Variants in DPY19L3 observed in about 807,000 individuals in gnomAD.
The protein encoded by DPY19L3 is protein C-mannosyl-transferase DPY19L3.
DPY19L3 carries 51 observed loss-of-function variants against 92.3 expected under a neutral mutation model. The ratio of observed to expected loss-of-function variants is 0.55; its 90% CI spans 0.44 to 0.70. The LOEUF (loss-of-function observed/expected upper bound fraction) is 0.70. Ranked by LOEUF, DPY19L3 falls within the 30% of genes least tolerant of loss-of-function variation. The pLI, the probability that DPY19L3 is intolerant of heterozygous loss-of-function variation, is 0.00. For synonymous variants in DPY19L3, 309 were observed against 315.2 expected (o/e 0.98, Z 0.21); for missense variants, 706 against 855.9 (o/e 0.82, Z 2.18).
chr19:32,450,460 G>A (rs1001275396), intron 8 of DPY19L3, among the ~76,000 whole-genome samples: 1 of 152,132 alleles, frequency 6.6e-6, no homozygotes, highest in Admixed American at 6.6e-5. Flanking sequence ...GTGATTCATA[G>A]CTACAAAGTG....
intron 8 of DPY19L3, among the ~76,000 whole-genome samples, chr19:32,443,280 C>G (rs1190660459): frequency 6.6e-6 from 1 of 152,244 alleles, no homozygotes; most frequent in Admixed American, 6.5e-5. Context: ...GCACCTTGGA[C>G]TTCCATTTCC....
chr19:32,444,047 AAG>A (rs1252276158), intron 8 of DPY19L3, among the ~76,000 whole-genome samples: 1 of 151,448 alleles, frequency 6.6e-6, no homozygotes, highest in Non-Finnish European at 1.5e-5. Flanking sequence ...AAAAAAAAAA[AAG>A]AAAAAAAAAT....
At chr19:32,479,559 C>A in intron 17 of DPY19L3, 1 of 406,436 alleles carries the variant, frequency 2.5e-6, no homozygotes, top group South Asian at 1.8e-5. Flanking sequence ...TACCATTTCA[C>A]CCATCCATGT....
chr19:32,482,110 AT>A lies in DPY19L3; in HGVS notation c.2024del (p.Leu675Ter). On this transcript the variant is annotated frameshift_variant, in exon 19 of 19. Transcript: ENST00000392250. LOFTEE classifies it high-confidence loss of function. ...MMDGPGENDP[D>X]LKPADHPRFC... ...GATGGCCCAGGAGAGAATGATCCTG[AT>A]TTGAAACCTGCAGACCACCCTCGCT... is the stretch of plus-strand genomic sequence containing the variant. The A allele has an allele frequency of 6.2e-7, 1 of 1,613,852 alleles. No individual in the cohort carries two copies. The highest frequency in any genetic ancestry group is 8.5e-7 in the Non-Finnish European group (1 of 1,179,834).
At chr19:32,407,426 A>G (rs1023612551) in intron 1 of DPY19L3, among the ~76,000 whole-genome samples, 1 of 152,202 alleles carries the variant, frequency 6.6e-6, no homozygotes, top group Non-Finnish European at 1.5e-5. Flanking sequence ...ACAAAACAAT[A>G]TTTTAATTCT....
At chr19:32,476,619 A>G (rs1030252970) in intron 16 of DPY19L3, among the ~76,000 whole-genome samples, 23 of 150,940 alleles carry the variant, frequency 1.5e-4, no homozygotes, top group African/African-American at 5.1e-4. Flanking sequence ...TGCTTTTCCT[A>G]TATTCTGGGA....
At chr19:32,433,648 C>G (rs139744812) in intron 4 of DPY19L3, among the ~76,000 whole-genome samples, 1 of 152,138 alleles carries the variant, frequency 6.6e-6, no homozygotes, top group African/African-American at 2.4e-5. Context: ...GTCTCAAACT[C>G]CTGAGCTCAA....
chr19:32,425,074 TAACTC>T (rs1364142130), intron 3 of DPY19L3, among the ~76,000 whole-genome samples: 6 of 152,118 alleles, frequency 3.9e-5, no homozygotes, highest in African/African-American at 1.2e-4. Flanking sequence ...ACACAAAAAT[TAACTC>T]AAGATGGATC....
At chr19:32,476,190 G>T (rs1970503021) in intron 16 of DPY19L3, among the ~76,000 whole-genome samples, 2 of 152,122 alleles carry the variant, frequency 1.3e-5, no homozygotes. Context: ...ATCCTGGTGG[G>T]ATGTATGAAT....
At chr19:32,479,240 T>G (rs529880494) in intron 17 of DPY19L3, among the ~76,000 whole-genome samples, 1 of 152,228 alleles carries the variant, frequency 6.6e-6, no homozygotes, top group South Asian at 2.1e-4. Context: ...GGCTGAAGTG[T>G]TCCAGATAGT....
At chr19:32,460,948 C>T (rs558378226) in intron 12 of DPY19L3, among the ~76,000 whole-genome samples, 1 of 152,260 alleles carries the variant, frequency 6.6e-6, no homozygotes, top group Admixed American at 6.5e-5. Context: ...TCACTGCAAC[C>T]TCTGCCTTCC....
chr19:32,424,712 T>C (rs1168525917), intron 3 of DPY19L3, among the ~76,000 whole-genome samples: 1 of 152,160 alleles, frequency 6.6e-6, no homozygotes, highest in Non-Finnish European at 1.5e-5. Flanking sequence ...GGTGGACTTT[T>C]CACAGAAATT....
At chr19:32,463,308 A>G in intron 12 of DPY19L3, 58 bp from the exon 13 acceptor site, 1 of 1,582,082 alleles carries the variant, frequency 6.3e-7, no homozygotes, top group Non-Finnish European at 8.6e-7. Context: ...TTCTTTTACA[A>G]AGATCTAACT....
At position 32,482,927 on chromosome 19, in the gene DPY19L3, C is replaced by G. The variant is rs1407940462; in HGVS notation, c.*687C>G. ...TAATGCTGGGCACAGAAAAGTGTTA[C>G]AAGTTCCATATCGTAAGTCCTTAAA... On this transcript the variant is annotated 3_prime_UTR_variant, in exon 19 of 19. Coordinates refer to ENST00000392250, the MANE Select transcript of DPY19L3 (RefSeq NM_001172774.2). 6.6e-6 allele frequency: 1 copy of G among 152,196 alleles called. No homozygotes were observed. Among genetic ancestry groups the G allele is most frequent in the South Asian group, 2.1e-4 (1 of 4,826 alleles). The allele number at this position is 152,196 out of a possible 1,614,324, so 9.4% of individuals were successfully genotyped here.
At chr19:32,441,341 TA>T (rs1730121670) in intron 8 of DPY19L3, among the ~76,000 whole-genome samples, 2 of 152,248 alleles carry the variant, frequency 1.3e-5, no homozygotes, top group African/African-American at 2.4e-5. Context: ...AGTTCCCCCA[TA>T]TTTTTTTGAA....
At position 32,468,736 on chromosome 19, in the gene DPY19L3, G is replaced by T. The variant is rs765700322; in HGVS notation, c.1620G>T (p.Trp540Cys). 1.2e-6 allele frequency: 2 copies of T among 1,613,612 alleles called. No homozygotes were observed. Among genetic ancestry groups the T allele is most frequent in the South Asian group, 1.1e-5 (1 of 91,062 alleles). Residue 540 changes from tryptophan (W) to cysteine (C), a missense_variant, in exon 16 of 19, where the codon TGG becomes TGT. Physicochemically the swap from Trp to Cys is radical, Grantham distance 215. Transcript: ENST00000392250. ...LILLYLCYKF[W>C]PGMMDELSEL... ...TGTTTTGTTTTTAATTTCAGTTCTG[G>T]CCAGGAATGATGGATGAACTCTCCG...
chr19:32,471,948 A>G (rs1970370369), intron 16 of DPY19L3, among the ~76,000 whole-genome samples: 1 of 152,172 alleles, frequency 6.6e-6, no homozygotes, highest in Non-Finnish European at 1.5e-5. Context: ...ATAGTTCAGC[A>G]GATGTTCATC....
At chr19:32,407,819 A>C (rs1000853855) in intron 1 of DPY19L3, among the ~76,000 whole-genome samples, 1 of 152,238 alleles carries the variant, frequency 6.6e-6, no homozygotes, top group African/African-American at 2.4e-5. Context: ...CAGGCTGGGC[A>C]CAATGGCTCA....
At chr19:32,409,289 T>A (rs1968094684) in intron 2 of DPY19L3, among the ~76,000 whole-genome samples, 1 of 152,270 alleles carries the variant, frequency 6.6e-6, no homozygotes, top group African/African-American at 2.4e-5. Context: ...GTATACAGTT[T>A]TGCAAAATTG....
Sources: gnomAD v4.1 joint callset for allele counts (sites outside exome capture counted in the v4.1 genomes callset) on GRCh38, gnomAD v4.1.1 for gene constraint, MANE v1.5 for transcripts, NCBI Gene and HGNC (gene_info 2026-07-23, HGNC 2026-07-21) for gene names.